The following KLRF1 variants were observed in gnomAD, a reference collection of about 807,000 sequenced individuals.
KLRF1 encodes the protein killer cell lectin-like receptor subfamily F member 1.
KLRF1 carries 27 observed loss-of-function variants against 30.7 expected under a neutral mutation model. The observed-to-expected ratio is 0.88, with a 90% confidence interval of 0.65 to 1.21. KLRF1 has a LOEUF of 1.21. Among genes scored for constraint, KLRF1 ranks in the 50% most tolerant of loss-of-function variants. The pLI, the probability that KLRF1 is intolerant of heterozygous loss-of-function variation, is 0.00. For missense variants in KLRF1, 246 were observed against 259.3 expected (o/e 0.95, Z 0.35); for synonymous variants, 92 against 89.3 (o/e 1.03, Z -0.17).
the KLRF1 span, among the ~76,000 whole-genome samples, chr12:9,804,162 A>G: frequency 2.7e-5 from 4 of 148,042 alleles, no homozygotes; most frequent in African/African-American, 5.0e-5. Context: ...TATGGTTTTC[A>G]TTTGTGTTTC....
At chr12:9,836,295 T>C (rs1223689867) in intron 3 of KLRF1, among the ~76,000 whole-genome samples, 2 of 152,076 alleles carry the variant, frequency 1.3e-5, no homozygotes, top group Non-Finnish European at 2.9e-5. Context: ...CCCTACTATC[T>C]TCTGTCTAGT....
upstream of KLRF1, among the ~76,000 whole-genome samples, chr12:9,822,950 A>C (rs1189024572): frequency 6.6e-6 from 1 of 152,234 alleles, no homozygotes; most frequent in Non-Finnish European, 1.5e-5. Flanking sequence ...CTAGTACAGG[A>C]GCACCCAAAT....
At chr12:9,805,057 G>A in the KLRF1 span, among the ~76,000 whole-genome samples, 1 of 151,792 alleles carries the variant, frequency 6.6e-6, no homozygotes, top group Non-Finnish European at 1.5e-5. Flanking sequence ...AGTAATAAGA[G>A]CCTGTAGTTT....
the KLRF1 span, among the ~76,000 whole-genome samples, chr12:9,818,962 A>G: frequency 3.9e-5 from 6 of 152,216 alleles, no homozygotes; most frequent in African/African-American, 1.4e-4. Context: ...GTGGAGGATG[A>G]AGTAAAGCAA....
At chr12:9,839,925 G>A (rs922563653) in intron 3 of KLRF1, among the ~76,000 whole-genome samples, 9 of 152,180 alleles carry the variant, frequency 5.9e-5, no homozygotes, top group South Asian at 2.1e-4. Flanking sequence ...ATTCATAATA[G>A]CCAAAGAATG....
the KLRF1 span, among the ~76,000 whole-genome samples, chr12:9,807,623 A>G: frequency 6.6e-6 from 1 of 152,178 alleles, no homozygotes; most frequent in Admixed American, 6.5e-5. Flanking sequence ...ATACTTAGCT[A>G]CATATTTACT....
intron 3 of KLRF1, among the ~76,000 whole-genome samples, chr12:9,838,167 C>A (rs577441148): frequency 7.9e-5 from 12 of 152,220 alleles, no homozygotes; most frequent in Non-Finnish European, 1.2e-4. Flanking sequence ...CCTGCTCCCA[C>A]ATAGGGATAT....
chr12:9,818,019 C>T, the KLRF1 span: 1 of 208,220 alleles, frequency 4.8e-6, no homozygotes, highest in Non-Finnish European at 1.1e-5. Flanking sequence ...TCATCATTGT[C>T]ATCATCACCA....
chr12:9,803,307 A>T, the KLRF1 span, among the ~76,000 whole-genome samples: 2 of 152,134 alleles, frequency 1.3e-5, no homozygotes, highest in African/African-American at 4.8e-5. Flanking sequence ...TACAAAAATT[A>T]ACTCAAGATG....
chr12:9,802,237 C>T, the KLRF1 span, among the ~76,000 whole-genome samples: 1 of 152,118 alleles, frequency 6.6e-6, no homozygotes, highest in East Asian at 1.9e-4. Flanking sequence ...TGACAAAAAT[C>T]ATATGATTAT....
chr12:9,800,056 A>T, the KLRF1 span, among the ~76,000 whole-genome samples: 20,356 of 152,054 alleles, frequency 0.13, 1,508 homozygotes, highest in Non-Finnish European at 0.16. Context: ...AACATTCATG[A>T]GCAGGCTTTT....
At chr12:9,804,143 A>G in the KLRF1 span, among the ~76,000 whole-genome samples, 6 of 151,466 alleles carry the variant, frequency 4.0e-5, no homozygotes, top group East Asian at 1.9e-4. Flanking sequence ...GCATGAAATG[A>G]TATCTTATTA....
chr12:9,834,970 A>G (rs937068492), intron 3 of KLRF1, among the ~76,000 whole-genome samples: 13 of 152,246 alleles, frequency 8.5e-5, no homozygotes, highest in Non-Finnish European at 1.9e-4. Flanking sequence ...TATGTCTGTG[A>G]TGCTAGCAGA....
the KLRF1 span, among the ~76,000 whole-genome samples, chr12:9,815,480 A>T: frequency 1.3e-5 from 2 of 152,194 alleles, no homozygotes; most frequent in African/African-American, 4.8e-5. Context: ...TGTGTGGTTG[A>T]GGTCTATTTC....
Position 9,842,122 on chromosome 12 carries a change from C to T in KLRF1, c.474+171C>T, listed in dbSNP as rs142956220. Reference sequence around the variant, plus strand: ...CCTCACTTCTCATGCTAGATCTGGCCCAAATTCATATATTCAACTTGCAAT... The same window carrying T: ...CCTCACTTCTCATGCTAGATCTGGCTCAAATTCATATATTCAACTTGCAAT... On this transcript the variant is annotated intron_variant, in intron 4 of 5. Transcript: ENST00000617889. Among the ~76,000 whole-genome samples the T allele has an allele frequency of 3.5e-3, 537 of 151,780 alleles. 3 individuals carry two copies. The highest frequency in any genetic ancestry group is 6.6e-3 in the Non-Finnish European group (448 of 67,886).
the KLRF1 span, among the ~76,000 whole-genome samples, chr12:9,806,714 T>C: frequency 2.0e-5 from 3 of 152,094 alleles, no homozygotes; most frequent in African/African-American, 4.8e-5. Flanking sequence ...CAGGGTCTGA[T>C]TCTGTTGCCC....
chr12:9,843,232 G>T (rs187131967), intron 5 of KLRF1, among the ~76,000 whole-genome samples: 2 of 152,142 alleles, frequency 1.3e-5, no homozygotes, highest in Non-Finnish European at 1.5e-5. Context: ...GCCAAGGCAC[G>T]CAGGTGGCCT....
chr12:9,811,177 C>G, the KLRF1 span, among the ~76,000 whole-genome samples: 2 of 127,436 alleles, frequency 1.6e-5, no homozygotes, highest in African/African-American at 5.8e-5. Context: ...GAGTAGAAAG[C>G]AAAAAAAAAA....
the KLRF1 span, among the ~76,000 whole-genome samples, chr12:9,812,331 C>G: frequency 2.0e-5 from 3 of 146,828 alleles, no homozygotes; most frequent in African/African-American, 7.7e-5. Context: ...CACCACTGCA[C>G]TCCAGCCTGG....
Sources: allele counts gnomAD v4.1 joint callset (sites outside exome capture counted in the v4.1 genomes callset), GRCh38; gene constraint gnomAD v4.1.1; transcripts MANE v1.5; gene names NCBI Gene and HGNC (gene_info 2026-07-23, HGNC 2026-07-21).